The following AUTS2 variants were observed in gnomAD, a reference collection of about 807,000 sequenced individuals.
AUTS2 encodes autism susceptibility gene 2 protein.
AUTS2 carries 17 observed loss-of-function variants against 112.4 expected under a neutral mutation model. The ratio of observed to expected loss-of-function variants is 0.15; its 90% CI spans 0.10 to 0.23. The LOEUF (loss-of-function observed/expected upper bound fraction) is 0.23, where lower values mean the gene tolerates loss of function less well. Ranked by LOEUF, AUTS2 falls within the 10% of genes least tolerant of loss-of-function variation. The probability of loss-of-function intolerance (pLI) is 1.00; values close to 1 mark genes in which losing one functional copy is unlikely to be tolerated. For synonymous variants in AUTS2, 751 were observed against 702.7 expected, an observed-to-expected ratio of 1.07 and a Z score of -1.09; for missense variants, 1,510 against 1,701.6, an observed-to-expected ratio of 0.89 and a Z score of 1.98.
intron 1 of AUTS2, among the ~76,000 whole-genome samples, chr7:69,660,786 T>C (rs1795751466): frequency 1.3e-5 from 2 of 152,196 alleles, no homozygotes; most frequent in African/African-American, 4.8e-5. Flanking sequence ...CAAAAAGAAG[T>C]TAGCTGGGTG....
At chr7:70,768,243 A>G (rs1434272548) in intron 10 of AUTS2, among the ~76,000 whole-genome samples, 175 bp downstream of exon 10, 2 of 152,218 alleles carry the variant, frequency 1.3e-5, no homozygotes, top group African/African-American at 4.8e-5. Context: ...GTAAAGATGC[A>G]GTATCATCTT....
At chr7:69,745,499 T>C (rs1053641549) in intron 1 of AUTS2, among the ~76,000 whole-genome samples, 6 of 152,224 alleles carry the variant, frequency 3.9e-5, no homozygotes, top group Non-Finnish European at 7.3e-5. Flanking sequence ...TTTAATCAGC[T>C]TGCTTTCGTT....
intron 4 of AUTS2, among the ~76,000 whole-genome samples, chr7:70,358,567 G>A (rs527471076): frequency 6.1e-4 from 93 of 152,352 alleles, no homozygotes; most frequent in African/African-American, 2.2e-3. Context: ...ATGGCTTCCA[G>A]GGTAGGAACC....
At chr7:69,820,309 C>T (rs750319881) in intron 1 of AUTS2, among the ~76,000 whole-genome samples, 4 of 152,206 alleles carry the variant, frequency 2.6e-5, no homozygotes, top group Non-Finnish European at 5.9e-5. Context: ...AGATGCTTTC[C>T]ACCTAGTTGG....
In AUTS2 at chr7:70,790,130, G is replaced by A. The variant is rs1791806500; in HGVS notation, c.2914G>A (p.Glu972Lys). 5 of 1,606,418 alleles carry A rather than the reference G, an allele frequency of 3.1e-6. No homozygotes were observed. The highest frequency in any genetic ancestry group is 2.2e-5 in the East Asian group (1 of 44,450). ...AEPRKGEPAY[E>K]NPKKSSEVKV... ...GCCGCGCAAGGGTGAGCCGGCCTAC[G>A]AGAACCCCAAGAAGAGCTCCGAGGT... Residue 972 changes from glutamate to lysine, a missense_variant, in exon 19 of 19, where the codon GAG becomes AAG. This residue lies in a region of AUTS2 where 788 missense variants were observed against 797.6 expected (regional missense o/e 0.99). Coordinates refer to ENST00000342771, the MANE Select transcript of AUTS2 (RefSeq NM_015570.4). The surrounding 1 kb of genome is among the most constrained non-coding windows in gnomAD (Gnocchi z 7.6).
chr7:70,714,442 G>A (rs1810242730), intron 6 of AUTS2, among the ~76,000 whole-genome samples: 1 of 151,992 alleles, frequency 6.6e-6, no homozygotes, highest in African/African-American at 2.4e-5. Context: ...AAAATCACAT[G>A]TTGTTATCAC....
At chr7:70,272,857 G>A (rs989711008) in intron 4 of AUTS2, among the ~76,000 whole-genome samples, 3 of 152,056 alleles carry the variant, frequency 2.0e-5, no homozygotes, top group Admixed American at 6.6e-5. Flanking sequence ...AGGCAAGGTG[G>A]TGCACACTTG....
At chr7:69,631,959 T>G (rs1386651357) in intron 1 of AUTS2, among the ~76,000 whole-genome samples, 1 of 152,212 alleles carries the variant, frequency 6.6e-6, no homozygotes, top group Non-Finnish European at 1.5e-5. Flanking sequence ...ACTCATTGAA[T>G]TCATGTTTCA....
intron 1 of AUTS2, among the ~76,000 whole-genome samples, chr7:69,756,654 C>T (rs1238708261): frequency 6.6e-6 from 1 of 151,436 alleles, no homozygotes; most frequent in Non-Finnish European, 1.5e-5. Context: ...TTGAATAATA[C>T]CAATAAAAAT....
intron 1 of AUTS2, among the ~76,000 whole-genome samples, chr7:69,892,471 GTA>G (rs1377553941): frequency 3.3e-5 from 5 of 152,070 alleles, no homozygotes; most frequent in African/African-American, 9.7e-5. Flanking sequence ...AATATATTCT[GTA>G]TACAAAACTT....
At chr7:70,611,526 A>C (rs1171218453) in intron 5 of AUTS2, among the ~76,000 whole-genome samples, 1 of 152,262 alleles carries the variant, frequency 6.6e-6, no homozygotes, top group East Asian at 1.9e-4. Flanking sequence ...GAGAACTCTT[A>C]CTTGAGCCAC....
At chr7:70,145,619 ATGTT>A (rs1807086051) in intron 4 of AUTS2, among the ~76,000 whole-genome samples, 2 of 152,142 alleles carry the variant, frequency 1.3e-5, no homozygotes, top group African/African-American at 4.8e-5. Flanking sequence ...TAGTAGGTCT[ATGTT>A]ATACACAGTA....
chr7:70,264,804 G>A (rs1787338919), intron 4 of AUTS2, among the ~76,000 whole-genome samples: 1 of 152,140 alleles, frequency 6.6e-6, no homozygotes, highest in Non-Finnish European at 1.5e-5. Flanking sequence ...GGTAGACACA[G>A]GTCTCTGCAT....
intron 5 of AUTS2, among the ~76,000 whole-genome samples, chr7:70,536,159 C>G (rs757761032): frequency 1.3e-5 from 2 of 152,048 alleles, no homozygotes; most frequent in African/African-American, 2.4e-5. Flanking sequence ...GAAACCCTGT[C>G]TCTACTAAAA....
chr7:69,732,945 T>C (rs1050998786), intron 1 of AUTS2, among the ~76,000 whole-genome samples: 35 of 152,178 alleles, frequency 2.3e-4, no homozygotes, highest in African/African-American at 8.0e-4. Context: ...AAGGTAAAGA[T>C]TGTCATTTCC....
intron 5 of AUTS2, among the ~76,000 whole-genome samples, chr7:70,658,334 C>G (rs560651242): frequency 4.2e-4 from 64 of 152,190 alleles, no homozygotes; most frequent in Admixed American, 2.0e-4. Flanking sequence ...ACCACTCCCC[C>G]CCAACACCAC....
intron 6 of AUTS2, among the ~76,000 whole-genome samples, chr7:70,725,892 G>T (rs567441691): frequency 6.6e-6 from 1 of 152,092 alleles, no homozygotes; most frequent in South Asian, 2.1e-4. Flanking sequence ...GTGGGTGGTG[G>T]GCGCCTGTAG....
intron 6 of AUTS2, among the ~76,000 whole-genome samples, chr7:70,717,843 C>A (rs1288556079): frequency 6.6e-6 from 1 of 152,088 alleles, no homozygotes; most frequent in Non-Finnish European, 1.5e-5. Context: ...GGTTTTTGAA[C>A]CTGAAATGCA....
chr7:69,929,032 T>C (rs146414077), intron 2 of AUTS2, among the ~76,000 whole-genome samples: 18 of 152,332 alleles, frequency 1.2e-4, no homozygotes, highest in African/African-American at 3.6e-4. Flanking sequence ...GAAGGCCTTC[T>C]TTTAACATTT....
Sources: gnomAD v4.1 joint callset for allele counts (sites outside exome capture counted in the v4.1 genomes callset) on GRCh38, gnomAD v4.1.1 for gene constraint, gnomAD v4.1.1 regional missense constraint, Gnocchi (gnomAD v3.1) non-coding constraint, MANE v1.5 for transcripts, NCBI Gene and HGNC (gene_info 2026-07-23, HGNC 2026-07-21) for gene names.